PLXNA4: variants seen among roughly 807,000 people sequenced by gnomAD.
PLXNA4 encodes the protein plexin-A4.
PLXNA4 carries 44 observed loss-of-function variants against 191.8 expected under a neutral mutation model. The ratio of observed to expected loss-of-function variants is 0.23; its 90% CI spans 0.18 to 0.29. The LOEUF is 0.29. Among genes scored for constraint, PLXNA4 ranks in the 10% least tolerant of loss-of-function variants. The pLI, the probability that PLXNA4 is intolerant of heterozygous loss-of-function variation, is 1.00. For missense variants in PLXNA4, 1,800 were observed against 2,488.8 expected (o/e 0.72, Z 5.89); for synonymous variants, 1,082 against 1,009.5 (o/e 1.07, Z -1.36).
chr7:132,534,582 G>T (rs985638835), intron 1 of PLXNA4, among the ~76,000 whole-genome samples: 1 of 152,196 alleles, frequency 6.6e-6, no homozygotes, highest in Non-Finnish European at 1.5e-5. Context: ...GGCACAAAGA[G>T]CCTCTAGCCT....
At chr7:132,314,020 T>C (rs182942621) in intron 3 of PLXNA4, among the ~76,000 whole-genome samples, 23 of 152,222 alleles carry the variant, frequency 1.5e-4, no homozygotes, top group Admixed American at 1.2e-3. Context: ...CCACTTCTCA[T>C]CCCAGAAGCT....
chr7:132,447,655 C>A (rs771565363), intron 3 of PLXNA4, among the ~76,000 whole-genome samples: 4 of 152,042 alleles, frequency 2.6e-5, no homozygotes, highest in African/African-American at 9.7e-5. Context: ...CTGTCCACAC[C>A]ACACAGCACA....
At chr7:132,384,817 T>C (rs1805053038) in intron 3 of PLXNA4, 1 of 1,121,860 alleles carries the variant, frequency 8.9e-7, no homozygotes, top group African/African-American at 1.7e-5. Flanking sequence ...GCTGCAGAAG[T>C]GGACAGATGA....
chr7:132,555,423 G>T (rs1396532844), intron 1 of PLXNA4, among the ~76,000 whole-genome samples: 1 of 152,134 alleles, frequency 6.6e-6, no homozygotes, highest in Non-Finnish European at 1.5e-5. Flanking sequence ...TATAAACCAA[G>T]AAAACTGAAG....
At chr7:132,565,323 T>A (rs1801673189) in intron 1 of PLXNA4, among the ~76,000 whole-genome samples, 1 of 152,098 alleles carries the variant, frequency 6.6e-6, no homozygotes, top group African/African-American at 2.4e-5. Flanking sequence ...GTCTCTGTAT[T>A]CCCTGGCCAG....
At chr7:132,520,852 C>G (rs1385198956) in intron 1 of PLXNA4, among the ~76,000 whole-genome samples, 1 of 152,134 alleles carries the variant, frequency 6.6e-6, no homozygotes, top group African/African-American at 2.4e-5. Context: ...CATAATCCCA[C>G]CAAACATTGG....
chr7:132,447,860 A>G (rs1195735485), intron 3 of PLXNA4, among the ~76,000 whole-genome samples: 1 of 152,012 alleles, frequency 6.6e-6, no homozygotes, highest in Non-Finnish European at 1.5e-5. Flanking sequence ...TTTTTAAAAA[A>G]ATTAGCCAGG....
At position 132,236,527 on chromosome 7, in the gene PLXNA4, C is replaced by T. The variant is rs574157017; in HGVS notation, c.1604+4539G>A. On this transcript the variant is annotated intron_variant, in intron 5 of 31. Coordinates refer to ENST00000321063, the MANE Select transcript of PLXNA4 (RefSeq NM_020911.2). ...CGAGTCACTTGGCACAGGGTCTTGC[C>T]CATGGTGGGGGCCTAACAAATGCAT... 3.9e-5 allele frequency among the ~76,000 whole-genome samples: 6 copies of T among 152,244 alleles called. No homozygotes were observed. In the South Asian group the frequency reaches 6.2e-4, roughly 16 times the overall value.
intron 3 of PLXNA4, among the ~76,000 whole-genome samples, chr7:132,460,274 C>T (rs1042587362): frequency 2.0e-5 from 3 of 151,776 alleles, no homozygotes; most frequent in African/African-American, 7.3e-5. Context: ...TGGGAGGATC[C>T]CTTGAGCCCG....
At chr7:132,149,739 GA>G (rs1368524579) in intron 25 of PLXNA4, among the ~76,000 whole-genome samples, 2 of 152,188 alleles carry the variant, frequency 1.3e-5, no homozygotes, top group African/African-American at 4.8e-5. Context: ...TTAGTTGCTG[GA>G]TTAAGTGGCC....
intron 3 of PLXNA4, among the ~76,000 whole-genome samples, chr7:132,422,818 C>G (rs1163239903): frequency 6.6e-6 from 1 of 152,166 alleles, no homozygotes. Context: ...TATTATTACC[C>G]CACTGGGCAG....
At chr7:132,544,556 G>C (rs1188325478) in intron 1 of PLXNA4, among the ~76,000 whole-genome samples, 1 of 151,934 alleles carries the variant, frequency 6.6e-6, no homozygotes, top group Non-Finnish European at 1.5e-5. Flanking sequence ...GGTGAGGGGG[G>C]CACACCCTGT....
intron 3 of PLXNA4, among the ~76,000 whole-genome samples, chr7:132,471,000 T>C (rs1389585892): frequency 6.6e-6 from 1 of 152,196 alleles, no homozygotes; most frequent in African/African-American, 2.4e-5. Context: ...TCCTCAGTAT[T>C]GGAGGTGGGG....
At chr7:132,413,346 T>A (rs1794535574) in intron 3 of PLXNA4, among the ~76,000 whole-genome samples, 1 of 152,118 alleles carries the variant, frequency 6.6e-6, no homozygotes, top group South Asian at 2.1e-4. Flanking sequence ...CTCCAGTAAC[T>A]CCTGGAGTGA....
intron 1 of PLXNA4, among the ~76,000 whole-genome samples, chr7:132,529,629 G>A (rs776561407): frequency 1.4e-4 from 18 of 132,758 alleles, no homozygotes; most frequent in South Asian, 9.0e-4. Flanking sequence ...TTTTTGAGAC[G>A]GAGTCTTGCT....
intron 4 of PLXNA4, among the ~76,000 whole-genome samples, chr7:132,254,507 C>T (rs1799365335): frequency 6.6e-6 from 1 of 152,180 alleles, no homozygotes; most frequent in African/African-American, 2.4e-5. Context: ...CCTCGGTTTC[C>T]TCCTATGCAT....
chr7:132,424,568 C>A (rs1161813121), intron 3 of PLXNA4, among the ~76,000 whole-genome samples: 1 of 152,130 alleles, frequency 6.6e-6, no homozygotes, highest in Non-Finnish European at 1.5e-5. Flanking sequence ...CTCATTCCTG[C>A]CCAGGGCTCC....
intron 14 of PLXNA4, among the ~76,000 whole-genome samples, chr7:132,191,450 C>T (rs1174215677): frequency 6.6e-6 from 1 of 152,080 alleles, no homozygotes; most frequent in African/African-American, 2.4e-5. Context: ...AGTGAACAGC[C>T]AGGTGATGGT....
At chr7:132,348,838 A>G (rs1803358759) in intron 3 of PLXNA4, among the ~76,000 whole-genome samples, 1 of 152,222 alleles carries the variant, frequency 6.6e-6, no homozygotes. Context: ...TCCTAGGGGT[A>G]GAGGCAATTC....
Sources: gnomAD v4.1 joint callset for allele counts (sites outside exome capture counted in the v4.1 genomes callset) on GRCh38, gnomAD v4.1.1 for gene constraint, MANE v1.5 for transcripts, NCBI Gene and HGNC (gene_info 2026-07-23, HGNC 2026-07-21) for gene names.